Variants in OXR1 observed in about 807,000 individuals in gnomAD.
OXR1 encodes the protein oxidation resistance 1.
Under a neutral mutation model 104.6 loss-of-function variants are expected in OXR1, and 41 were observed. The ratio of observed to expected loss-of-function variants is 0.39; its 90% CI spans 0.31 to 0.51. The LOEUF (loss-of-function observed/expected upper bound fraction) is 0.51. Among genes scored for constraint, OXR1 ranks in the 20% least tolerant of loss-of-function variants. The pLI is 0.77. For missense variants in OXR1, 955 were observed against 1,031.9 expected (o/e 0.93, Z 1.02); for synonymous variants, 348 against 348.4 (o/e 1.00, Z 0.01).
At chr8:106,548,406 T>C (rs1283677404) in intron 3 of OXR1, among the ~76,000 whole-genome samples, 1 of 152,194 alleles carries the variant, frequency 6.6e-6, no homozygotes, top group Non-Finnish European at 1.5e-5. Context: ...GGCCAGAAAC[T>C]TTCTATTTTA....
At chr8:106,377,678 G>A (rs1816964122) in intron 2 of OXR1, among the ~76,000 whole-genome samples, 1 of 152,068 alleles carries the variant, frequency 6.6e-6, no homozygotes, top group Non-Finnish European at 1.5e-5. Flanking sequence ...TTTGGCCTAT[G>A]GAATTAATTT....
At chr8:106,348,823 A>G (rs1339215951) in intron 1 of OXR1, among the ~76,000 whole-genome samples, 1 of 152,194 alleles carries the variant, frequency 6.6e-6, no homozygotes, top group Non-Finnish European at 1.5e-5. Context: ...CACACTGAGC[A>G]GTAGTAATCC....
At chr8:106,405,756 G>A (rs1240261927) in intron 2 of OXR1, among the ~76,000 whole-genome samples, 2 of 152,132 alleles carry the variant, frequency 1.3e-5, no homozygotes, top group Admixed American at 6.5e-5. Flanking sequence ...GACTACAGAT[G>A]ATGAAGGAGG....
chr8:106,278,041 G>C (rs1812129736), intron 1 of OXR1, among the ~76,000 whole-genome samples: 1 of 152,148 alleles, frequency 6.6e-6, no homozygotes, highest in Non-Finnish European at 1.5e-5. Context: ...AAATGTTAGA[G>C]CCATGGTTTT....
At chr8:106,508,690 G>T (rs1321625376) in intron 2 of OXR1, among the ~76,000 whole-genome samples, 1 of 152,208 alleles carries the variant, frequency 6.6e-6, no homozygotes, top group Non-Finnish European at 1.5e-5. Flanking sequence ...GTTTGAAGAA[G>T]TCAAGAAACA....
chr8:106,535,237 A>T (rs568026451), intron 3 of OXR1, among the ~76,000 whole-genome samples: 3 of 152,238 alleles, frequency 2.0e-5, no homozygotes, highest in African/African-American at 7.2e-5. Context: ...TGATCTGCAG[A>T]AATAACAGCA....
rs1813422064 is a variant in OXR1, at chr8:106,523,599, T to C, written c.220+4460T>C. On this transcript the variant is annotated intron_variant, in intron 3 of 16. Transcript: ENST00000517566. Reference sequence around the variant, plus strand: ...TCAACTCACTAAGTTTATTTCATAGTCCATTAATGGGCTATGACCTGAAGT... The same window carrying C: ...TCAACTCACTAAGTTTATTTCATAGCCCATTAATGGGCTATGACCTGAAGT... Among the ~76,000 whole-genome samples the C allele has an allele frequency of 2.0e-5, 3 of 152,272 alleles. No homozygotes were observed. The South Asian group carries it at 6.2e-4, about 32-fold the overall frequency.
At chr8:106,537,866 A>T (rs1254778976) in intron 3 of OXR1, among the ~76,000 whole-genome samples, 1 of 152,138 alleles carries the variant, frequency 6.6e-6, no homozygotes, top group Non-Finnish European at 1.5e-5. Flanking sequence ...ACCTGAATAA[A>T]GAGAGGAAGG....
chr8:106,503,850 T>A (rs775575366), intron 2 of OXR1, among the ~76,000 whole-genome samples: 1 of 152,080 alleles, frequency 6.6e-6, no homozygotes, highest in Non-Finnish European at 1.5e-5. Context: ...AGGGAGGTAA[T>A]GCGAGCAGAA....
At chr8:106,524,198 A>T (rs190670219) in intron 3 of OXR1, among the ~76,000 whole-genome samples, 5 of 152,328 alleles carry the variant, frequency 3.3e-5, no homozygotes, top group Non-Finnish European at 4.4e-5. Flanking sequence ...TAGATAATGA[A>T]GCCAAATAGT....
chr8:106,385,996 C>T (rs1260372099), intron 2 of OXR1, among the ~76,000 whole-genome samples: 1 of 152,124 alleles, frequency 6.6e-6, no homozygotes, highest in Non-Finnish European at 1.5e-5. Flanking sequence ...GAGGTACGGG[C>T]ATGGCAGCAA....
intron 3 of OXR1, among the ~76,000 whole-genome samples, chr8:106,560,992 T>C (rs995112083): frequency 6.6e-5 from 10 of 152,176 alleles, no homozygotes; most frequent in African/African-American, 2.2e-4. Flanking sequence ...ATACTATGCT[T>C]TTCCCATGGT....
intron 7 of OXR1, among the ~76,000 whole-genome samples, chr8:106,693,424 C>CTTTTTTTTTTTTTTTTTTTTTTTTTTTTT (rs11384137): frequency 4.1e-5 from 4 of 97,556 alleles, no homozygotes; most frequent in Non-Finnish European, 6.0e-5. Flanking sequence ...TAGTCAGAAT[C>CTTTTTTTTTTTTTTTTTTTTTTTTTTTTT]TTTTTTTTTT....
intron 2 of OXR1, among the ~76,000 whole-genome samples, chr8:106,388,834 G>A (rs1817485340): frequency 6.6e-6 from 1 of 152,340 alleles, no homozygotes; most frequent in South Asian, 2.1e-4. Context: ...AGGCCAATAA[G>A]CTAGGCTGGA....
intron 3 of OXR1, among the ~76,000 whole-genome samples, chr8:106,541,870 AT>A (rs1478163001): frequency 6.6e-6 from 1 of 152,164 alleles, no homozygotes; most frequent in Non-Finnish European, 1.5e-5. Flanking sequence ...AGATACCAAC[AT>A]TTTACCCAGG....
rs567960864 is a variant in OXR1 at position 106,519,180 on chromosome 8, T to G, written c.220+41T>G. On this transcript the variant is annotated intron_variant, in intron 3 of 16. Transcript: ENST00000517566. ...TTTATGCAAGTGAATAGATGAAATC[T>G]ACCTAAATGGCATTGAGAATTTCTG... 7 of 1,360,154 alleles carry G rather than the reference T, an allele frequency of 5.1e-6. No individual in the cohort carries two copies. The South Asian group carries it at 9.6e-5, about 19-fold the overall frequency. The allele number at this position is 1,360,154 out of a possible 1,614,324, so 84.3% of individuals were successfully genotyped here.
At chr8:106,508,349 T>C (rs1812302777) in intron 2 of OXR1, among the ~76,000 whole-genome samples, 1 of 152,228 alleles carries the variant, frequency 6.6e-6, no homozygotes, top group Non-Finnish European at 1.5e-5. Flanking sequence ...TTTAACATTT[T>C]ATAATTTTTT....
chr8:106,616,929 A>G lies in OXR1; in HGVS notation c.221-62281A>G, dbSNP rs529370046. 6.6e-5 allele frequency among the ~76,000 whole-genome samples: 10 copies of G among 152,302 alleles called. No individual in the cohort carries two copies. In the South Asian group the frequency reaches 2.1e-3, roughly 32 times the overall value. ...TCAATGGTTGTGATCTCTGCCCTCA[A>G]ATAAAATATGATGTTACAGTATGTA... On this transcript the variant is annotated intron_variant, in intron 3 of 16. Transcript: ENST00000517566.
At chr8:106,379,036 G>A (rs1373635192) in intron 2 of OXR1, among the ~76,000 whole-genome samples, 1 of 152,148 alleles carries the variant, frequency 6.6e-6, no homozygotes, top group Non-Finnish European at 1.5e-5. Context: ...GGATAAGTTA[G>A]CCGTAATTAT....
Sources: allele counts gnomAD v4.1 joint callset (sites outside exome capture counted in the v4.1 genomes callset), GRCh38; gene constraint gnomAD v4.1.1; transcripts MANE v1.5; gene names NCBI Gene and HGNC (gene_info 2026-07-23, HGNC 2026-07-21).